The following REV1 variants were observed in gnomAD, a reference collection of about 807,000 sequenced individuals.
REV1 encodes translesion synthesis protein REV1.
Under a neutral mutation model 137.4 loss-of-function variants are expected in REV1, and 42 were observed. The observed-to-expected ratio is 0.31, with a 90% CI of 0.24 to 0.40. The LOEUF is 0.40. Among genes scored for constraint, REV1 ranks in the 10% least tolerant of loss-of-function variants. The probability of loss-of-function intolerance (pLI) is 1.00; values close to 1 mark genes in which losing one functional copy is unlikely to be tolerated. For synonymous variants in REV1, 524 were observed against 519.2 expected (o/e 1.01, Z -0.12); for missense variants, 1,282 against 1,490.1 (o/e 0.86, Z 2.30).
chr2:99,406,611 G>T, intron 15 of REV1, 121 bp from the exon 16 acceptor site: 1 of 737,210 alleles, frequency 1.4e-6, no homozygotes, highest in Non-Finnish European at 2.0e-6. Flanking sequence ...TAGAATAAAG[G>T]TAAATGAAAG....
intron 11 of REV1, among the ~76,000 whole-genome samples, chr2:99,419,198 A>G (rs1049043729): frequency 1.4e-5 from 2 of 145,750 alleles, no homozygotes; most frequent in African/African-American, 5.1e-5. Flanking sequence ...TAGAGAAAGC[A>G]GTCCTGATTT....
rs1211242748 is a variant in REV1 at position 99,487,681 on chromosome 2, C to A, written c.-11+2136G>T. Among the ~76,000 whole-genome samples, 11 of 118,800 alleles carry A rather than the reference C, an allele frequency of 9.3e-5. 3 individuals are homozygous for A. The highest frequency in any genetic ancestry group is 3.3e-4 in the African/African-American group (11 of 33,218). 77.9% of individuals were successfully genotyped at this position (118,800 alleles called of 152,430 possible). ...TTTTAAATGTTCTGTTTAATATACT[C>A]TATGATTAGTAATACGCCACATATA... On this transcript the variant is annotated intron_variant, in intron 1 of 22. Transcript: ENST00000258428.
In REV1 at chr2:99,401,153, C is replaced by G. The variant is rs936365452; in HGVS notation, c.*88G>C. ...TAAAAGAAATTTAAAATTATAAAAA[C>G]TCCGAGCATTACTATCATGCACTTT... On this transcript the variant is annotated 3_prime_UTR_variant, in exon 23 of 23. Coordinates refer to ENST00000258428, the MANE Select transcript of REV1 (RefSeq NM_016316.4). 7 of 703,030 alleles carry G rather than the reference C, an allele frequency of 1.0e-5. No homozygotes were observed. Among genetic ancestry groups the G allele is most frequent in the Non-Finnish European group, 1.6e-5 (7 of 426,022 alleles). 43.5% of individuals were successfully genotyped at this position (703,030 alleles called of 1,614,324 possible).
intron 11 of REV1, among the ~76,000 whole-genome samples, 184 bp downstream of exon 11, chr2:99,421,314 CG>C (rs1210103775): frequency 6.6e-6 from 1 of 151,182 alleles, no homozygotes; most frequent in Non-Finnish European, 1.5e-5. Flanking sequence ...TTATTTATTG[CG>C]AAGATTATCA....
At position 99,419,550 on chromosome 2, in the gene REV1, A is replaced by G. The variant is rs28382936; in HGVS notation, c.1832-603T>C. The stretch of plus-strand genomic sequence containing the variant: ...CAGAGTGGGTGTCTGTAGGAATTGA[A>G]GGCCATGATCAAAGAGTAGTTCATG... On this transcript the variant is annotated intron_variant, in intron 11 of 22. Coordinates refer to ENST00000258428, the MANE Select transcript of REV1 (RefSeq NM_016316.4). 3.7e-4 allele frequency among the ~76,000 whole-genome samples: 56 copies of G among 152,270 alleles called. No individual in the cohort carries two copies. In the East Asian group the frequency reaches 7.7e-3, roughly 21 times the overall value.
chr2:99,426,114 G>A (rs1481542581), intron 9 of REV1, among the ~76,000 whole-genome samples: 1 of 151,992 alleles, frequency 6.6e-6, no homozygotes, highest in African/African-American at 2.4e-5. Flanking sequence ...GGGAGGCCGA[G>A]GTGGATGGAT....
intron 1 of REV1, among the ~76,000 whole-genome samples, chr2:99,476,295 C>T (rs1301985680): frequency 1.3e-5 from 2 of 152,104 alleles, no homozygotes; most frequent in Admixed American, 6.5e-5. Flanking sequence ...CAGTGACTCA[C>T]GCCTGTAATC....
Position 99,464,919 on chromosome 2 carries a change from C to T in REV1, c.54+3G>A, listed in dbSNP as rs1197160715. Reference sequence around the variant, plus strand: ...TAATTATTTTTACTCTTTTAAAACACACCCATGTTTCCCAGCCATCATTTT... The same window carrying T: ...TAATTATTTTTACTCTTTTAAAACATACCCATGTTTCCCAGCCATCATTTT... On this transcript the variant is annotated splice_donor_region_variant and intron_variant, in intron 2 of 22. Transcript: ENST00000258428. 1.2e-6 allele frequency: 2 copies of T among 1,612,664 alleles called. No individual in the cohort carries two copies. Among genetic ancestry groups the T allele is most frequent in the African/African-American group, 1.3e-5 (1 of 74,964 alleles).
chr2:99,447,174 T>C (rs1235284480), intron 4 of REV1, among the ~76,000 whole-genome samples: 1 of 152,098 alleles, frequency 6.6e-6, no homozygotes, highest in Non-Finnish European at 1.5e-5. Context: ...TTTTTTTTTT[T>C]TTAGACAGAG....
intron 22 of REV1, 61 bp downstream of exon 22, chr2:99,402,183 A>G: frequency 1.4e-6 from 1 of 695,166 alleles, no homozygotes; most frequent in South Asian, 1.8e-5. Flanking sequence ...ACAACTCAGT[A>G]CACCCTCAGC....
intron 15 of REV1, among the ~76,000 whole-genome samples, chr2:99,407,387 C>A (rs1279195139): frequency 6.9e-6 from 1 of 145,540 alleles, no homozygotes; most frequent in Non-Finnish European, 1.5e-5. Context: ...CTCATCTCTA[C>A]CAAAAATACA....
intron 19 of REV1, chr2:99,403,445 G>C (rs1244003357): frequency 3.5e-6 from 2 of 574,478 alleles, no homozygotes; most frequent in Non-Finnish European, 6.1e-6. Flanking sequence ...TAAGACATTT[G>C]TGGTAATGTC....
chr2:99,409,856 C>G (rs923503734), intron 14 of REV1, among the ~76,000 whole-genome samples: 3 of 47,484 alleles, frequency 6.3e-5, no homozygotes, highest in Non-Finnish European at 9.6e-5. Context: ...ACAAACAACC[C>G]CCCCCCCCCC....
At chr2:99,444,546 T>C (rs1239943012) in intron 4 of REV1, among the ~76,000 whole-genome samples, 1 of 152,188 alleles carries the variant, frequency 6.6e-6, no homozygotes, top group Non-Finnish European at 1.5e-5. Context: ...CATAAGTCAG[T>C]CCATGGAGAC....
intron 9 of REV1, chr2:99,424,820 A>G (rs199726562): frequency 3.8e-6 from 5 of 1,304,130 alleles, no homozygotes; most frequent in Non-Finnish European, 5.1e-6. Flanking sequence ...GTGGCTCCAC[A>G]GTGGTTGAGA....
At chr2:99,428,168 A>C (rs1166849705) in intron 9 of REV1, among the ~76,000 whole-genome samples, 2 of 152,130 alleles carry the variant, frequency 1.3e-5, no homozygotes, top group Non-Finnish European at 2.9e-5. Context: ...CGGAGCTCGC[A>C]TTTTACCAAC....
Position 99,401,135 on chromosome 2 carries a change from A to G in REV1, c.*106T>C. The G allele has an allele frequency of 1.7e-6, 1 of 601,796 alleles. No homozygotes were observed. Among genetic ancestry groups the G allele is most frequent in the South Asian group, 3.2e-5 (1 of 31,620 alleles). The allele number at this position is 601,796 out of a possible 1,614,324, so 37.3% of individuals were successfully genotyped here. A position where few individuals can be genotyped will look rare whatever the true frequency, so the allele number is the denominator to read the frequency against. ...TGTACAAAACACTTGCTTTAAAAGA[A>G]ATTTAAAATTATAAAAACTCCGAGC... On this transcript the variant is annotated 3_prime_UTR_variant, in exon 23 of 23. Transcript: ENST00000258428.
chr2:99,452,924 T>C (rs1489610327), intron 3 of REV1, among the ~76,000 whole-genome samples: 1 of 152,256 alleles, frequency 6.6e-6, no homozygotes, highest in African/African-American at 2.4e-5. Flanking sequence ...GCTAGTTACT[T>C]GGATTTCAGG....
intron 1 of REV1, among the ~76,000 whole-genome samples, chr2:99,485,358 C>T (rs1312397213): frequency 6.6e-6 from 1 of 152,202 alleles, no homozygotes; most frequent in African/African-American, 2.4e-5. Flanking sequence ...CAGAAAGATA[C>T]AGAGCACAGC....
Sources: gnomAD v4.1 joint callset for allele counts (sites outside exome capture counted in the v4.1 genomes callset) on GRCh38, gnomAD v4.1.1 for gene constraint, MANE v1.5 for transcripts, NCBI Gene and HGNC (gene_info 2026-07-23, HGNC 2026-07-21) for gene names.